Variants in ZWILCH observed in about 807,000 individuals in gnomAD.
The protein encoded by ZWILCH is protein zwilch homolog.
In ZWILCH, 74 loss-of-function variants were observed where a neutral mutation model predicts 79.9. That is an observed-to-expected ratio of 0.93 (90% CI 0.77 to 1.12). The LOEUF is 1.12. Among genes scored for constraint, ZWILCH ranks in the 50% most tolerant of loss-of-function variants. ZWILCH has a pLI of 0.00. For missense variants in ZWILCH, 694 were observed against 687.5 expected, an observed-to-expected ratio of 1.01 and a Z score of -0.11; for synonymous variants, 241 against 228.2, an observed-to-expected ratio of 1.06 and a Z score of -0.51.
intron 4 of ZWILCH, among the ~76,000 whole-genome samples, chr15:66,517,702 G>GGTCCTAC (rs1167193574): frequency 6.9e-6 from 1 of 144,476 alleles, no homozygotes; most frequent in Non-Finnish European, 1.5e-5. Context: ...GTGTTTATTG[G>GGTCCTAC]GTCCTACTTC....
At chr15:66,538,795 G>A (rs1172567186) in intron 16 of ZWILCH, among the ~76,000 whole-genome samples, 2 of 151,988 alleles carry the variant, frequency 1.3e-5, no homozygotes, top group Admixed American at 6.6e-5. Context: ...TACCTCTCTG[G>A]CCCATCTGAA....
chr15:66,523,485 TA>T, intron 7 of ZWILCH, 191 bp from the exon 8 acceptor site: 1 of 499,014 alleles, frequency 2.0e-6, no homozygotes, highest in Non-Finnish European at 3.6e-6. Flanking sequence ...TAATTTAGAT[TA>T]TTGGGTCAAG....
Position 66,537,205 on chromosome 15 carries a change from G to T in ZWILCH, c.1516G>T (p.Glu506Ter), listed in dbSNP as rs1461092672. 35 of 1,613,264 alleles carry T rather than the reference G, an allele frequency of 2.2e-5. No individual in the cohort carries two copies. Among genetic ancestry groups the T allele is most frequent in the Non-Finnish European group, 2.9e-5 (34 of 1,179,842 alleles). The change falls in exon 16 of 19, where the codon GAG becomes TAG. Residue 506 changes from glutamate (E) to a stop codon, truncating the protein, a stop_gained. Coordinates refer to ENST00000307897, the MANE Select transcript of ZWILCH (RefSeq NM_017975.5). LOFTEE classifies it high-confidence loss of function. Reference sequence around the variant, plus strand: ...GTATTACAAACAAAATCCTCTTGATGAGCAACACATTTTTCAGCTGCCAGT... The same window carrying T: ...GTATTACAAACAAAATCCTCTTGATTAGCAACACATTTTTCAGCTGCCAGT... ...IKYYKQNPLD[E>*]QHIFQLPVRP...
At chr15:66,535,637 C>T (rs896736766) in intron 14 of ZWILCH, among the ~76,000 whole-genome samples, 1 of 149,842 alleles carries the variant, frequency 6.7e-6, no homozygotes, top group African/African-American at 2.5e-5. Flanking sequence ...GATCACGCCA[C>T]GGCACTCCAG....
chr15:66,523,324 G>A (rs938897999), intron 7 of ZWILCH: 1 of 183,944 alleles, frequency 5.4e-6, no homozygotes, highest in Admixed American at 5.8e-5. Context: ...ATAATGCTAA[G>A]TTATCACCGA....
intron 17 of ZWILCH, among the ~76,000 whole-genome samples, chr15:66,546,069 G>A (rs565067387): frequency 7.2e-5 from 11 of 152,280 alleles, no homozygotes; most frequent in Admixed American, 3.3e-4. Context: ...CACCCAGTGG[G>A]TGCTCAGTAA....
chr15:66,518,829 C>A (rs1470984953), intron 4 of ZWILCH, 50 bp from the exon 5 acceptor site: 2 of 1,540,602 alleles, frequency 1.3e-6, no homozygotes, highest in Admixed American at 1.7e-5. Context: ...TAAAGAAATT[C>A]TTGAATTGGA....
At chr15:66,538,267 A>T (rs1895076240) in intron 16 of ZWILCH, among the ~76,000 whole-genome samples, 1 of 152,330 alleles carries the variant, frequency 6.6e-6, no homozygotes, top group East Asian at 1.9e-4. Flanking sequence ...GCTCTGGCAA[A>T]GGTCACCAAT....
chr15:66,520,886 A>G (rs535723963), intron 6 of ZWILCH, among the ~76,000 whole-genome samples, 164 bp from the exon 7 acceptor site: 2 of 152,306 alleles, frequency 1.3e-5, no homozygotes, highest in East Asian at 1.9e-4. Context: ...TATTTGGGAT[A>G]TATGGAAAGT....
intron 2 of ZWILCH, among the ~76,000 whole-genome samples, chr15:66,510,650 A>G (rs1894025114): frequency 6.6e-6 from 1 of 152,120 alleles, no homozygotes; most frequent in African/African-American, 2.4e-5. Context: ...CAAACACAAA[A>G]ATTTATTCTC....
At chr15:66,521,488 T>TTTTG (rs373626506) in intron 7 of ZWILCH, among the ~76,000 whole-genome samples, 34 of 152,010 alleles carry the variant, frequency 2.2e-4, no homozygotes, top group Admixed American at 6.6e-4. Context: ...GAATCCGTGT[T>TTTTG]TTTGTTTGTT....
intron 1 of ZWILCH, among the ~76,000 whole-genome samples, chr15:66,507,029 G>C (rs1163460641): frequency 1.3e-5 from 2 of 151,836 alleles, no homozygotes; most frequent in African/African-American, 4.8e-5. Flanking sequence ...GCTGATTTTT[G>C]TATTTTTATT....
Position 66,550,088 on chromosome 15 carries a change from A to G in ZWILCH, c.*1764A>G. The G allele has an allele frequency of 1.2e-6, 2 of 1,603,382 alleles. No homozygotes were observed. The highest frequency in any genetic ancestry group is 2.3e-5 in the South Asian group (2 of 88,680). On this transcript the variant is annotated 3_prime_UTR_variant, in exon 19 of 19. Coordinates refer to ENST00000307897, the MANE Select transcript of ZWILCH (RefSeq NM_017975.5). ...GATAGAGCAAGTTTCCAAAGCTTTG[A>G]GGTACCAACTTTCCACCTAATAAAA...
chr15:66,513,771 C>T (rs2140746937), intron 2 of ZWILCH, among the ~76,000 whole-genome samples: 1 of 152,078 alleles, frequency 6.6e-6, no homozygotes, highest in African/African-American at 2.4e-5. Flanking sequence ...TGGAGTTTCA[C>T]CGTGTTAGCC....
Position 66,548,732 on chromosome 15 carries a change from C to A in ZWILCH, c.*408C>A. 2.0e-6 allele frequency: 1 copy of A among 506,026 alleles called. No homozygotes were observed. Among genetic ancestry groups the A allele is most frequent in the Non-Finnish European group, 3.6e-6 (1 of 278,900 alleles). 31.3% of individuals were successfully genotyped at this position (506,026 alleles called of 1,614,324 possible). On this transcript the variant is annotated 3_prime_UTR_variant, in exon 19 of 19. Coordinates refer to ENST00000307897, the MANE Select transcript of ZWILCH (RefSeq NM_017975.5). ...AATAGCATCCTCAAATTTTCTGATT[C>A]TTATTTGCCATGAAATAGAACTTAG...
intron 12 of ZWILCH, among the ~76,000 whole-genome samples, chr15:66,530,202 A>G (rs1330321390): frequency 3.9e-5 from 6 of 152,256 alleles, no homozygotes; most frequent in African/African-American, 1.4e-4. Flanking sequence ...ATGCTGATAA[A>G]TGATATGGAG....
Position 66,521,197 on chromosome 15 carries a change from G to A in ZWILCH, c.739G>A (p.Ala247Thr). 6.2e-7 allele frequency: 1 copy of A among 1,611,056 alleles called. No individual in the cohort carries two copies. Residue 247 changes from alanine to threonine, a missense_variant, in exon 7 of 19, where the codon GCA (alanine) becomes ACA (threonine). Coordinates refer to ENST00000307897, the MANE Select transcript of ZWILCH (RefSeq NM_017975.5). ...ILQIPPLSST[A>T]TLNIKVESGE... ...TCAAATCCCTCCACTCTCTTCAACT[G>A]CAACTCTGGTAAGAGTGGGCCCTAT...
Position 66,549,936 on chromosome 15 carries a change from T to C in ZWILCH, c.*1612T>C. 2 of 657,080 alleles carry C rather than the reference T, an allele frequency of 3.0e-6. No homozygotes were observed. Among genetic ancestry groups the C allele is most frequent in the Non-Finnish European group, 2.4e-6 (1 of 414,086 alleles). 40.7% of individuals were successfully genotyped at this position (657,080 alleles called of 1,614,324 possible). A position where few individuals can be genotyped will look rare whatever the true frequency, so the allele number is the denominator to read the frequency against. ...ACCTGATTTTAATCATAAGTAGTTT[T>C]GGAAGATTGACTTCAAGTAGAGCCA... On this transcript the variant is annotated 3_prime_UTR_variant, in exon 19 of 19. Transcript: ENST00000307897.
At chr15:66,543,736 A>T (rs906625987) in intron 17 of ZWILCH, among the ~76,000 whole-genome samples, 2 of 151,776 alleles carry the variant, frequency 1.3e-5, no homozygotes, top group Non-Finnish European at 2.9e-5. Flanking sequence ...CAGCCTGGGT[A>T]GCAGAGCAAG....
Sources: allele counts gnomAD v4.1 joint callset (sites outside exome capture counted in the v4.1 genomes callset), GRCh38; gene constraint gnomAD v4.1.1; transcripts MANE v1.5; gene names NCBI Gene and HGNC (gene_info 2026-07-23, HGNC 2026-07-21).